The following ELF1 variants were observed in gnomAD, a reference collection of about 807,000 sequenced individuals.
ELF1 encodes the protein E74 like ETS transcription factor 1.
ELF1 carries 24 observed loss-of-function variants against 59.9 expected under a neutral mutation model. The ratio of observed to expected loss-of-function variants is 0.40; its 90% CI spans 0.29 to 0.56. ELF1 has a LOEUF of 0.56. Ranked by LOEUF, ELF1 falls within the 20% of genes least tolerant of loss-of-function variation. ELF1 has a pLI of 0.44. For synonymous variants in ELF1, 248 were observed against 266.2 expected, an observed-to-expected ratio of 0.93 and a Z score of 0.67; for missense variants, 627 against 742.2, an observed-to-expected ratio of 0.84 and a Z score of 1.80.
chr13:40,984,360 T>C (rs9594470), intron 1 of ELF1, among the ~76,000 whole-genome samples: 27,623 of 152,136 alleles, frequency 0.18, 2,688 homozygotes, highest in African/African-American at 0.22. Flanking sequence ...AGACTACACA[T>C]TCAAGACCAA....
intron 1 of ELF1, among the ~76,000 whole-genome samples, chr13:41,026,263 A>T (rs1875901625): frequency 6.6e-6 from 1 of 152,156 alleles, no homozygotes. Flanking sequence ...CTTCTAGGGT[A>T]AAGGATAAAT....
upstream of ELF1, among the ~76,000 whole-genome samples, chr13:41,023,525 ATT>A (rs1875767516): frequency 6.6e-6 from 1 of 152,232 alleles, no homozygotes; most frequent in Non-Finnish European, 1.5e-5. Flanking sequence ...TGCAGAATTT[ATT>A]TTGTTGATGT....
chr13:40,937,145 AG>A (rs1869837975), intron 8 of ELF1, among the ~76,000 whole-genome samples: 1 of 152,232 alleles, frequency 6.6e-6, no homozygotes, highest in Non-Finnish European at 1.5e-5. Flanking sequence ...CTTTCTTCTT[AG>A]TTAATGATTA....
At chr13:41,061,268 G>C (rs1036323685) in exon 1 of ELF1, 1 of 284,406 alleles carries the variant, frequency 3.5e-6, no homozygotes, top group Non-Finnish European at 6.9e-6. Context: ...TTGAGCCAGC[G>C]AGCCTAGAAG....
chr13:40,985,568 T>G (rs910503877), intron 1 of ELF1, among the ~76,000 whole-genome samples: 1 of 152,144 alleles, frequency 6.6e-6, no homozygotes, highest in Non-Finnish European at 1.5e-5. Context: ...TGTAAAAAAT[T>G]TTTAAAATCT....
intron 5 of ELF1, among the ~76,000 whole-genome samples, chr13:40,948,068 G>A (rs1250723316): frequency 6.6e-6 from 1 of 152,134 alleles, no homozygotes; most frequent in Non-Finnish European, 1.5e-5. Flanking sequence ...TTGGACATCG[G>A]TCAACAAAAG....
exon 1 of ELF1, chr13:41,060,929 C>CGCCGCCGCCGCT (rs1877565602): frequency 3.0e-5 from 11 of 363,528 alleles, no homozygotes; most frequent in African/African-American, 2.3e-4. Flanking sequence ...CCGCCGCCGC[C>CGCCGCCGCCGCT]GCCGCCGCCG....
chr13:40,963,466 G>T (rs1871976317), intron 2 of ELF1, among the ~76,000 whole-genome samples: 1 of 152,162 alleles, frequency 6.6e-6, no homozygotes, highest in East Asian at 1.9e-4. Context: ...TCCTTCTGAG[G>T]TACTTGCTTT....
At chr13:40,966,602 G>A (rs1344565476) in intron 2 of ELF1, among the ~76,000 whole-genome samples, 1 of 152,064 alleles carries the variant, frequency 6.6e-6, no homozygotes, top group East Asian at 1.9e-4. Context: ...CACAATCCAA[G>A]GTCCTATGTG....
intron 1 of ELF1, 115 bp from the exon 2 acceptor site, chr13:40,982,397 T>A: frequency 4.7e-6 from 3 of 641,418 alleles, no homozygotes; most frequent in Non-Finnish European, 5.9e-6. Flanking sequence ...CGTTTTTAAA[T>A]AAAATCGACA....
rs186118901 is a variant in ELF1 at position 40,944,556 on chromosome 13, T to A, written c.530-631A>T. ...TTCACAACAAACTTCATAGTTACCT[T>A]ACCCACCATCAATGTCTAAATAAGT... is the stretch of plus-strand genomic sequence containing the variant. On this transcript the variant is annotated intron_variant, in intron 5 of 8. Coordinates refer to ENST00000239882, the MANE Select transcript of ELF1 (RefSeq NM_172373.4). Among the ~76,000 whole-genome samples the A allele has an allele frequency of 2.9e-3, 443 of 152,314 alleles. 2 individuals are homozygous for A. Among genetic ancestry groups the A allele is most frequent in the Middle Eastern group, 0.017 (5 of 294 alleles).
intron 2 of ELF1, 148 bp downstream of exon 2, chr13:40,981,835 A>G: frequency 2.3e-6 from 2 of 883,582 alleles, no homozygotes; most frequent in Non-Finnish European, 3.3e-6. Flanking sequence ...CTTAAAACAT[A>G]GTATAATATT....
intron 1 of ELF1, among the ~76,000 whole-genome samples, chr13:41,025,931 A>C (rs1161676043): frequency 6.6e-6 from 1 of 152,186 alleles, no homozygotes; most frequent in Admixed American, 6.5e-5. Flanking sequence ...ATACCTGTCC[A>C]TGAGGCCCAC....
intron 1 of ELF1, among the ~76,000 whole-genome samples, chr13:41,040,100 C>T (rs1804122918): frequency 6.6e-6 from 1 of 152,206 alleles, no homozygotes. Context: ...GGCAACTTCA[C>T]AACCAAAAGA....
upstream of ELF1, among the ~76,000 whole-genome samples, chr13:41,023,705 C>T (rs192793446): frequency 6.6e-6 from 1 of 152,176 alleles, no homozygotes; most frequent in African/African-American, 2.4e-5. Context: ...GTACTTTTTA[C>T]CACCCACAAA....
intron 5 of ELF1, among the ~76,000 whole-genome samples, chr13:40,944,538 C>T (rs1870384845): frequency 6.6e-6 from 1 of 152,190 alleles, no homozygotes; most frequent in South Asian, 2.1e-4. Flanking sequence ...CAATTCACAA[C>T]AAACTTCATA....
At chr13:40,940,883 T>C in intron 8 of ELF1, 38 bp downstream of exon 8, 5 of 1,558,720 alleles carry the variant, frequency 3.2e-6, no homozygotes, top group East Asian at 4.5e-5. Flanking sequence ...GTCAGAAACA[T>C]ATTGAAGTGA....
intron 2 of ELF1, among the ~76,000 whole-genome samples, chr13:40,959,922 T>A (rs1279427291): frequency 6.6e-6 from 1 of 152,212 alleles, no homozygotes; most frequent in African/African-American, 2.4e-5. Context: ...GCAAACCTCA[T>A]TAAGATACTA....
chr13:40,966,484 G>T (rs1227829726), intron 2 of ELF1, among the ~76,000 whole-genome samples: 1 of 152,196 alleles, frequency 6.6e-6, no homozygotes, highest in Non-Finnish European at 1.5e-5. Context: ...TCCACTTGTG[G>T]TTGATCACGT....
Sources: allele counts gnomAD v4.1 joint callset (sites outside exome capture counted in the v4.1 genomes callset), GRCh38; gene constraint gnomAD v4.1.1; transcripts MANE v1.5; gene names NCBI Gene and HGNC (gene_info 2026-07-23, HGNC 2026-07-21).